Variants in UFL1 observed in about 807,000 individuals in gnomAD.
The protein encoded by UFL1 is UFM1 specific ligase 1.
UFL1 carries 78 observed loss-of-function variants against 99.3 expected under a neutral mutation model. The ratio of observed to expected loss-of-function variants is 0.79; its 90% CI spans 0.65 to 0.95. The LOEUF (loss-of-function observed/expected upper bound fraction) is 0.95, where lower values mean the gene tolerates loss of function less well. Ranked by LOEUF, UFL1 falls within the 40% of genes least tolerant of loss-of-function variation. UFL1 has a pLI of 0.00. For synonymous variants in UFL1, 335 were observed against 322.2 expected, an observed-to-expected ratio of 1.04 and a Z score of -0.42; for missense variants, 936 against 937.0, an observed-to-expected ratio of 1.00 and a Z score of 0.01.
intron 6 of UFL1, among the ~76,000 whole-genome samples, chr6:96,533,568 G>C (rs1769812559): frequency 6.6e-6 from 1 of 151,868 alleles, no homozygotes; most frequent in African/African-American, 2.4e-5. Flanking sequence ...ATTTAGGAGT[G>C]GCAGCAGGAA....
chr6:96,553,293 T>C lies in UFL1; in HGVS notation c.2175T>C (p.His725=). The C allele has an allele frequency of 1.2e-6, 2 of 1,613,266 alleles. No individual in the cohort carries two copies. Among genetic ancestry groups the C allele is most frequent in the South Asian group, 2.2e-5 (2 of 91,008 alleles). ...FLNSKIPEDQ[H]ALLVKYQGLV... ...TCTTTCCCTTTTCACAGGATCAGCA[T>C]GCTCTTTTGGTAAAGTATCAAGGTT... The change falls in exon 19 of 19, where the codon CAT becomes CAC. Residue 725 remains histidine, a synonymous_variant. Coordinates refer to ENST00000369278, the MANE Select transcript of UFL1 (RefSeq NM_015323.5).
rs758462746 is a variant in UFL1 at position 96,523,305 on chromosome 6, T to A, written c.223+14T>A. The A allele has an allele frequency of 1.3e-6, 2 of 1,566,422 alleles. No homozygotes were observed. Among genetic ancestry groups the A allele is most frequent in the South Asian group, 2.4e-5 (2 of 82,536 alleles). ...ATGTCCGAGGTGGTAGGTAATTCTT[T>A]AGTGTTTTTTTTTTTCTTGGATTTT... is the stretch of plus-strand genomic sequence containing the variant. On this transcript the variant is annotated intron_variant, in intron 2 of 18. Coordinates refer to ENST00000369278, the MANE Select transcript of UFL1 (RefSeq NM_015323.5).
chr6:96,546,059 G>A (rs959319704), intron 12 of UFL1, among the ~76,000 whole-genome samples: 12 of 150,986 alleles, frequency 7.9e-5, no homozygotes, highest in Non-Finnish European at 1.5e-4. Flanking sequence ...CATCCATATT[G>A]GAAAAGAGGA....
At chr6:96,548,809 C>T (rs1770036318) in intron 13 of UFL1, among the ~76,000 whole-genome samples, 1 of 151,512 alleles carries the variant, frequency 6.6e-6, no homozygotes, top group South Asian at 2.1e-4. Context: ...AACTAACTAA[C>T]CTGGTCATCC....
At chr6:96,536,438 C>G in intron 8 of UFL1, 48 bp downstream of exon 8, 1 of 1,481,492 alleles carries the variant, frequency 6.7e-7, no homozygotes, top group South Asian at 1.3e-5. Flanking sequence ...TAACACTAAA[C>G]TCATTCTTTA....
At chr6:96,530,503 G>A (rs1769768449) in intron 6 of UFL1, among the ~76,000 whole-genome samples, 1 of 152,116 alleles carries the variant, frequency 6.6e-6, no homozygotes, top group Non-Finnish European at 1.5e-5. Context: ...TTGGGACCAT[G>A]GATGTTATCC....
chr6:96,551,019 C>T (rs1770071661), intron 15 of UFL1, among the ~76,000 whole-genome samples: 1 of 151,936 alleles, frequency 6.6e-6, no homozygotes, highest in Non-Finnish European at 1.5e-5. Context: ...TACCATAGAG[C>T]ATAACAAGCA....
intron 1 of UFL1, among the ~76,000 whole-genome samples, chr6:96,522,434 C>T (rs1769630018): frequency 6.6e-6 from 1 of 152,172 alleles, no homozygotes; most frequent in African/African-American, 2.4e-5. Flanking sequence ...GGGCTAGACC[C>T]CTGACCCCAT....
intron 6 of UFL1, among the ~76,000 whole-genome samples, chr6:96,530,386 A>T (rs1363749985): frequency 2.6e-5 from 4 of 152,194 alleles, no homozygotes; most frequent in Non-Finnish European, 5.9e-5. Flanking sequence ...TTATTGAATC[A>T]TATCAGGTGG....
intron 5 of UFL1, among the ~76,000 whole-genome samples, chr6:96,527,808 A>G (rs1282456404): frequency 6.6e-6 from 1 of 152,206 alleles, no homozygotes; most frequent in Non-Finnish European, 1.5e-5. Flanking sequence ...TAAGTTTGAA[A>G]AAAACATTTT....
At chr6:96,531,248 CAT>C (rs112256754) in intron 6 of UFL1, among the ~76,000 whole-genome samples, 27,803 of 152,062 alleles carry the variant, frequency 0.18, 2,554 homozygotes, top group East Asian at 0.25. Flanking sequence ...TACATATACA[CAT>C]GTACATACAC....
intron 6 of UFL1, among the ~76,000 whole-genome samples, chr6:96,528,975 A>C (rs1426204809): frequency 6.6e-6 from 1 of 152,200 alleles, no homozygotes; most frequent in East Asian, 1.9e-4. Context: ...AAGTCAGAAG[A>C]ATTTGGTTCA....
Position 96,540,620 on chromosome 6 carries a change from A to T in UFL1, c.1244A>T (p.Lys415Met), listed in dbSNP as rs546978372. The part of the protein sequence containing the change: ...STLESVSTSK[K>M]DKKDERRRKA... ...TTAGAAAGCGTTAGTACAAGTAAAA[A>T]GGATAAAAAAGATGAGCGAAGAAGG... Residue 415 changes from lysine (K) to methionine (M), a missense_variant, in exon 11 of 19, where the codon AAG becomes ATG. Coordinates refer to ENST00000369278, the MANE Select transcript of UFL1 (RefSeq NM_015323.5). The T allele has an allele frequency of 1.2e-6, 2 of 1,602,588 alleles. No homozygotes were observed. Among genetic ancestry groups the T allele is most frequent in the Non-Finnish European group, 1.7e-6 (2 of 1,175,418 alleles).
Position 96,534,278 on chromosome 6 carries a change from T to C in UFL1, c.612T>C (p.Asn204=). The change falls in exon 7 of 19, where the codon AAT becomes AAC. Residue 204 remains asparagine (N), a synonymous_variant. Coordinates refer to ENST00000369278, the MANE Select transcript of UFL1 (RefSeq NM_015323.5). The part of the protein sequence containing the change: ...FSAITRPTAV[N]SLISKYGFQE... ...TTCCATAAAGGCCTACAGCTGTGAA[T>C]TCTTTGATTTCAAAATATGGATTTC... The C allele has an allele frequency of 6.3e-7, 1 of 1,579,928 alleles. No individual in the cohort carries two copies. Among genetic ancestry groups the C allele is most frequent in the Middle Eastern group, 1.7e-4 (1 of 5,914 alleles).
At chr6:96,543,120 T>G in intron 12 of UFL1, 104 bp downstream of exon 12, 1 of 1,365,936 alleles carries the variant, frequency 7.3e-7, no homozygotes, top group South Asian at 1.5e-5. Context: ...AGGAAGTCCT[T>G]ATTTTGCAGT....
chr6:96,540,656 G>A lies in UFL1; in HGVS notation c.1279+1G>A. ...GATGAGCGAAGAAGGAAAGCAACAG[G>A]TAATAAATTGTTAACAAGGAATATT... On this transcript the variant is annotated splice_donor_variant, in intron 11 of 18. Transcript: ENST00000369278. LOFTEE classifies it high-confidence loss of function. 1 of 1,590,846 alleles carries A rather than the reference G, an allele frequency of 6.3e-7. No homozygotes were observed. Among genetic ancestry groups the A allele is most frequent in the Non-Finnish European group, 8.5e-7 (1 of 1,171,894 alleles).
At chr6:96,551,391 T>G in intron 15 of UFL1, 42 bp from the exon 16 acceptor site, 1 of 1,124,248 alleles carries the variant, frequency 8.9e-7, no homozygotes, top group Non-Finnish European at 1.3e-6. Context: ...CCATTGCATG[T>G]CAAAAGCACA....
In UFL1 at chr6:96,549,912, G is replaced by C. The variant is rs1447303686; in HGVS notation, c.1818+113G>C. 4.2e-6 allele frequency: 6 copies of C among 1,444,884 alleles called. No homozygotes were observed. The African/African-American group carries it at 8.6e-5, about 21-fold the overall frequency. The allele number at this position is 1,444,884 out of a possible 1,614,324, so 89.5% of individuals were successfully genotyped here. On this transcript the variant is annotated intron_variant, in intron 15 of 18. Transcript: ENST00000369278. ...AAATAAAATACAGTGAAAGAGGTTT[G>C]AGGAAAAAAATCTAAAAGTTTTTTA...
At chr6:96,546,488 C>T (rs1769999755) in intron 12 of UFL1, among the ~76,000 whole-genome samples, 1 of 151,276 alleles carries the variant, frequency 6.6e-6, no homozygotes. Context: ...AAACAAACAT[C>T]ATTTTTCACA....
Sources: allele counts gnomAD v4.1 joint callset (sites outside exome capture counted in the v4.1 genomes callset), GRCh38; gene constraint gnomAD v4.1.1; transcripts MANE v1.5; gene names NCBI Gene and HGNC (gene_info 2026-07-23, HGNC 2026-07-21).